Variants in CCSER1 observed in about 807,000 individuals in gnomAD.
The protein encoded by CCSER1 is coiled-coil serine rich protein 1.
A neutral mutation model predicts 82.0 loss-of-function variants in CCSER1; 41 were observed. The observed-to-expected ratio is 0.50, with a 90% CI of 0.39 to 0.65. The LOEUF is 0.65. Among genes scored for constraint, CCSER1 ranks in the 30% least tolerant of loss-of-function variants. The pLI is 0.00. For missense variants in CCSER1, 1,119 were observed against 1,064.2 expected, an observed-to-expected ratio of 1.05 and a Z score of -0.72; for synonymous variants, 414 against 383.9, an observed-to-expected ratio of 1.08 and a Z score of -0.92.
chr4:90,716,871 A>G (rs769296798), intron 6 of CCSER1, among the ~76,000 whole-genome samples: 5 of 152,164 alleles, frequency 3.3e-5, no homozygotes, highest in Non-Finnish European at 5.9e-5. Flanking sequence ...TACATATTAG[A>G]CACACTGTTT....
intron 5 of CCSER1, among the ~76,000 whole-genome samples, chr4:90,478,744 T>A (rs1429325025): frequency 1.3e-5 from 2 of 150,852 alleles, no homozygotes; most frequent in East Asian, 1.9e-4. Context: ...TTTTTTTTTT[T>A]TTTTTATTTT....
At chr4:91,253,137 A>G (rs1239254840) in intron 10 of CCSER1, among the ~76,000 whole-genome samples, 1 of 152,116 alleles carries the variant, frequency 6.6e-6, no homozygotes, top group East Asian at 1.9e-4. Context: ...AGCAAGACCA[A>G]CTGTTCCTCT....
chr4:90,813,251 G>A (rs1241790304), intron 7 of CCSER1, among the ~76,000 whole-genome samples: 1 of 152,218 alleles, frequency 6.6e-6, no homozygotes. Flanking sequence ...AAGGGCCACA[G>A]GCCTCATGCA....
intron 10 of CCSER1, among the ~76,000 whole-genome samples, chr4:91,219,377 A>G (rs1053648391): frequency 6.9e-6 from 1 of 145,902 alleles, no homozygotes; most frequent in Non-Finnish European, 1.5e-5. Context: ...CAGTGGTGCA[A>G]TCTCGGCTCA....
At chr4:90,557,952 T>C (rs1778324370) in intron 5 of CCSER1, among the ~76,000 whole-genome samples, 1 of 152,192 alleles carries the variant, frequency 6.6e-6, no homozygotes, top group South Asian at 2.1e-4. Context: ...AATATTTCTT[T>C]TCAAGAATAA....
At chr4:91,015,283 A>AT (rs1224436538) in intron 9 of CCSER1, 1 of 152,114 alleles carries the variant, frequency 6.6e-6, no homozygotes, top group African/African-American at 2.4e-5. Flanking sequence ...TCAAAAAAGT[A>AT]ATACATAATG....
At chr4:90,881,966 G>C (rs550279637) in intron 8 of CCSER1, among the ~76,000 whole-genome samples, 2 of 151,496 alleles carry the variant, frequency 1.3e-5, no homozygotes, top group Non-Finnish European at 3.0e-5. Context: ...TCAAATTCTA[G>C]ACAGTTGCTC....
rs1561385287 is a variant in CCSER1 at position 90,932,990 on chromosome 4, A to AAGAAAGAAAG, written c.2172+9545_2172+9554dup. 2.7e-4 allele frequency among the ~76,000 whole-genome samples: 13 copies of AAGAAAGAAAG among 48,474 alleles called. 4 individuals are homozygous for AAGAAAGAAAG. The highest frequency in any genetic ancestry group is 6.9e-4 in the Admixed American group (3 of 4,366). 31.8% of individuals were successfully genotyped at this position (48,474 alleles called of 152,430 possible). ...AGAAAGAAAGAAAGAAAGAGAAAGA[A>AAGAAAGAAAG]AGAAAGAAAGAAAGAAAGAAAGAAA... On this transcript the variant is annotated intron_variant, in intron 9 of 10. Coordinates refer to ENST00000509176, the MANE Select transcript of CCSER1 (RefSeq NM_001145065.2).
intron 3 of CCSER1, among the ~76,000 whole-genome samples, chr4:90,316,840 C>T (rs961790231): frequency 9.2e-5 from 14 of 152,154 alleles, no homozygotes; most frequent in African/African-American, 3.4e-4. Context: ...GATGTATGAA[C>T]TCTTCAAACA....
At chr4:90,687,912 C>T (rs888046030) in intron 6 of CCSER1, among the ~76,000 whole-genome samples, 7 of 152,108 alleles carry the variant, frequency 4.6e-5, no homozygotes, top group East Asian at 1.9e-4. Flanking sequence ...GATACCTGCG[C>T]GCTGACTCTG....
chr4:90,271,851 TATATATATATA>T (rs1366094212), intron 1 of CCSER1, among the ~76,000 whole-genome samples: 8 of 27,970 alleles, frequency 2.9e-4, no homozygotes, highest in African/African-American at 1.1e-3. Context: ...TATATATATA[TATATATATATA>T]TTTTTTTTTT....
intron 10 of CCSER1, among the ~76,000 whole-genome samples, chr4:91,409,515 T>C (rs1752901495): frequency 6.6e-6 from 1 of 152,142 alleles, no homozygotes; most frequent in African/African-American, 2.4e-5. Context: ...GTGTTCTATT[T>C]TAAAAAATTT....
chr4:90,365,973 A>AT lies in CCSER1; in HGVS notation c.1510-34055dup, dbSNP rs1290756175. Among the ~76,000 whole-genome samples, 4 of 151,470 alleles carry AT rather than the reference A, an allele frequency of 2.6e-5. 1 individual carries two copies. Among genetic ancestry groups the AT allele is most frequent in the East Asian group, 3.9e-4 (2 of 5,180 alleles). On this transcript the variant is annotated intron_variant, in intron 3 of 10. Coordinates refer to ENST00000509176, the MANE Select transcript of CCSER1 (RefSeq NM_001145065.2). ...TTGCATACTACAGCATTTTTGTCTGATTTTTTTTCGTAGTAGCCATAGCCA... is the reference window on the plus strand; with the variant it reads ...TTGCATACTACAGCATTTTTGTCTGATTTTTTTTTCGTAGTAGCCATAGCCA...
intron 10 of CCSER1, among the ~76,000 whole-genome samples, chr4:91,469,984 G>A (rs963734153): frequency 7.2e-5 from 11 of 152,246 alleles, no homozygotes; most frequent in African/African-American, 2.2e-4. Flanking sequence ...ACATTCTAAT[G>A]TTTATGATGC....
At chr4:90,287,212 C>A (rs1057352866) in intron 1 of CCSER1, among the ~76,000 whole-genome samples, 2 of 151,436 alleles carry the variant, frequency 1.3e-5, no homozygotes, top group African/African-American at 2.4e-5. Context: ...TAAAAAAAAA[C>A]CCTACAAAAT....
intron 10 of CCSER1, among the ~76,000 whole-genome samples, chr4:91,086,743 T>C (rs1723436941): frequency 6.6e-6 from 1 of 152,156 alleles, no homozygotes. Flanking sequence ...GCTTCCTTTC[T>C]GTATAAACAG....
At chr4:90,504,974 C>T (rs946534506) in intron 5 of CCSER1, among the ~76,000 whole-genome samples, 5 of 152,176 alleles carry the variant, frequency 3.3e-5, no homozygotes, top group Non-Finnish European at 7.4e-5. Flanking sequence ...AATAGTGAAC[C>T]CCAAAGACAC....
At chr4:90,401,183 G>A (rs1752817776) in intron 4 of CCSER1, among the ~76,000 whole-genome samples, 1 of 152,102 alleles carries the variant, frequency 6.6e-6, no homozygotes, top group Non-Finnish European at 1.5e-5. Flanking sequence ...TTTTTCGGTT[G>A]AATACCACTT....
intron 9 of CCSER1, among the ~76,000 whole-genome samples, chr4:90,953,725 A>G (rs1005423374): frequency 3.3e-5 from 5 of 151,918 alleles, no homozygotes; most frequent in South Asian, 4.1e-4. Context: ...GCAGATGTGT[A>G]TAGAGAATTT....
Sources: allele counts gnomAD v4.1 joint callset (sites outside exome capture counted in the v4.1 genomes callset), GRCh38; gene constraint gnomAD v4.1.1; transcripts MANE v1.5; gene names NCBI Gene and HGNC (gene_info 2026-07-23, HGNC 2026-07-21).